Variants in SELENOF observed in about 807,000 individuals in gnomAD.
The protein encoded by SELENOF is selenoprotein F, also known as 15 kDa selenoprotein.
SELENOF carries 16 observed loss-of-function variants against 20.5 expected under a neutral mutation model. That is an observed-to-expected ratio of 0.78 (90% CI 0.53 to 1.19). The LOEUF (loss-of-function observed/expected upper bound fraction) is 1.19. Among genes scored for constraint, SELENOF ranks in the 50% most tolerant of loss-of-function variants. SELENOF has a pLI of 0.00. For missense variants in SELENOF, 215 were observed against 194.2 expected, an observed-to-expected ratio of 1.11 and a Z score of -0.64; for synonymous variants, 78 against 74.5, an observed-to-expected ratio of 1.05 and a Z score of -0.24.
chr1:86,913,216 TAG>T (rs1048485249), intron 1 of SELENOF, among the ~76,000 whole-genome samples: 4 of 152,096 alleles, frequency 2.6e-5, no homozygotes, highest in African/African-American at 9.7e-5. Context: ...GTCTCCTTAT[TAG>T]AGACTACCCG....
At chr1:86,908,122 C>T (rs957742532) in intron 1 of SELENOF, among the ~76,000 whole-genome samples, 2 of 152,112 alleles carry the variant, frequency 1.3e-5, no homozygotes, top group Admixed American at 1.3e-4. Flanking sequence ...GTTAACTGTA[C>T]TATACCATTA....
chr1:86,913,397 G>A (rs1278498628), intron 1 of SELENOF, among the ~76,000 whole-genome samples: 1 of 129,594 alleles, frequency 7.7e-6, no homozygotes, highest in African/African-American at 3.9e-5. Flanking sequence ...AATAAAAAAC[G>A]CTGCCTTAAA....
chr1:86,880,053 C>T (rs1659024476), intron 3 of SELENOF, among the ~76,000 whole-genome samples: 1 of 146,178 alleles, frequency 6.8e-6, no homozygotes, highest in Non-Finnish European at 1.5e-5. Flanking sequence ...CTTGGAAAGG[C>T]TCCTGCAAAA....
Position 86,867,428 on chromosome 1 carries a change from G to A in SELENOF, c.366+625C>T, listed in dbSNP as rs562220690. Among the ~76,000 whole-genome samples the A allele has an allele frequency of 7.9e-5, 12 of 152,028 alleles. No individual in the cohort carries two copies. In the South Asian group the frequency reaches 2.5e-3, roughly 32 times the overall value. Reference sequence around the variant, plus strand: ...AATTGCTTGAACCCAGGAGGCAGAGGTTGCAGTGAACCAAGATGGTGCCAC... The same window carrying A: ...AATTGCTTGAACCCAGGAGGCAGAGATTGCAGTGAACCAAGATGGTGCCAC... On this transcript the variant is annotated intron_variant, in intron 4 of 4. Coordinates refer to ENST00000331835, the MANE Select transcript of SELENOF (RefSeq NM_004261.5).
chr1:86,899,697 A>C (rs1169534754), intron 2 of SELENOF, among the ~76,000 whole-genome samples: 1 of 141,580 alleles, frequency 7.1e-6, no homozygotes, highest in African/African-American at 2.7e-5. Flanking sequence ...GCTGACCCCC[A>C]CCTCCCTCCC....
At chr1:86,901,871 A>G (rs1659712791) in intron 2 of SELENOF, among the ~76,000 whole-genome samples, 1 of 152,188 alleles carries the variant, frequency 6.6e-6, no homozygotes, top group Non-Finnish European at 1.5e-5. Context: ...CAAATAGCAG[A>G]CCTCTCAATT....
intron 4 of SELENOF, among the ~76,000 whole-genome samples, chr1:86,865,262 C>CA (rs1258155392): frequency 1.3e-5 from 2 of 151,650 alleles, no homozygotes; most frequent in East Asian, 1.9e-4. Context: ...TAAAAGTAGG[C>CA]AAAAAAACAA....
At chr1:86,903,587 T>A in intron 1 of SELENOF, 139 bp from the exon 2 acceptor site, 1 of 632,542 alleles carries the variant, frequency 1.6e-6, no homozygotes, top group Non-Finnish European at 2.5e-6. Context: ...TAAATTCTTT[T>A]AAATTTTAAT....
At chr1:86,885,928 C>T (rs963040792) in intron 2 of SELENOF, among the ~76,000 whole-genome samples, 1 of 152,148 alleles carries the variant, frequency 6.6e-6, no homozygotes, top group Admixed American at 6.5e-5. Context: ...CAATATATAA[C>T]ATCTTTTATT....
chr1:86,903,106 TCTC>T (rs970818149), intron 2 of SELENOF, among the ~76,000 whole-genome samples, 172 bp downstream of exon 2: 2 of 152,320 alleles, frequency 1.3e-5, no homozygotes, highest in South Asian at 4.1e-4. Context: ...CAACCATACT[TCTC>T]CTTCATATTT....
At chr1:86,869,385 T>C (rs1035490549) in intron 3 of SELENOF, among the ~76,000 whole-genome samples, 7 of 152,240 alleles carry the variant, frequency 4.6e-5, no homozygotes, top group Non-Finnish European at 8.8e-5. Flanking sequence ...CTATATTTAG[T>C]GACAAAGAAA....
intron 4 of SELENOF, among the ~76,000 whole-genome samples, chr1:86,866,363 A>G (rs1384404648): frequency 6.6e-6 from 1 of 151,508 alleles, no homozygotes; most frequent in African/African-American, 2.4e-5. Flanking sequence ...AAGGACAAAT[A>G]CTATATGATT....
chr1:86,902,506 A>T (rs984759539), intron 2 of SELENOF, among the ~76,000 whole-genome samples: 3 of 152,228 alleles, frequency 2.0e-5, no homozygotes, highest in African/African-American at 7.2e-5. Context: ...AACAGAATTC[A>T]GCATGTACAA....
intron 1 of SELENOF, among the ~76,000 whole-genome samples, chr1:86,908,937 T>C (rs1281871906): frequency 6.6e-6 from 1 of 152,226 alleles, no homozygotes; most frequent in Admixed American, 6.5e-5. Context: ...CTCACTGAAA[T>C]ATTGACAAAT....
At chr1:86,913,130 G>T (rs1378395951) in intron 1 of SELENOF, among the ~76,000 whole-genome samples, 1 of 152,146 alleles carries the variant, frequency 6.6e-6, no homozygotes, top group Non-Finnish European at 1.5e-5. Context: ...TTTGAGAAAG[G>T]TAAGTACAGG....
chr1:86,867,352 G>T (rs532391284), intron 4 of SELENOF, among the ~76,000 whole-genome samples: 1 of 152,154 alleles, frequency 6.6e-6, no homozygotes, highest in Non-Finnish European at 1.5e-5. Flanking sequence ...AACTAGCTGG[G>T]CATGGTGGCG....
At chr1:86,878,535 A>T (rs1057507555) in intron 3 of SELENOF, among the ~76,000 whole-genome samples, 3 of 152,192 alleles carry the variant, frequency 2.0e-5, no homozygotes, top group African/African-American at 7.2e-5. Context: ...AAAATAAATT[A>T]GCTGGGTGTG....
chr1:86,903,334 C>G lies in SELENOF; in HGVS notation c.199G>C (p.Asp67His). The G allele has an allele frequency of 1.9e-6, 3 of 1,612,076 alleles. No individual in the cohort carries two copies. Among genetic ancestry groups the G allele is most frequent in the Non-Finnish European group, 2.5e-6 (3 of 1,179,054 alleles). Residue 67 changes from aspartate (D) to histidine (H), a missense_variant, in exon 2 of 5, where the codon GAT becomes CAT. By Grantham distance (81) the Asp-to-His change is moderately conservative. Coordinates refer to ENST00000331835, the MANE Select transcript of SELENOF (RefSeq NM_004261.5). ...TGACAGCATCCTCTGCAATCAGGATCCAGCTGAAGCAGGTTGAACTGTCCG... is the reference window on the plus strand; with the variant it reads ...TGACAGCATCCTCTGCAATCAGGATGCAGCTGAAGCAGGTTGAACTGTCCG... ...LLGQFNLLQL[D>H]PDCRGCCQEE...
intron 1 of SELENOF, among the ~76,000 whole-genome samples, chr1:86,911,955 A>G (rs1659994955): frequency 6.6e-6 from 1 of 151,990 alleles, no homozygotes; most frequent in Admixed American, 6.6e-5. Context: ...TATTTTTACT[A>G]GAGACGGGGT....
Sources: gnomAD v4.1 joint callset for allele counts (sites outside exome capture counted in the v4.1 genomes callset) on GRCh38, gnomAD v4.1.1 for gene constraint, MANE v1.5 for transcripts, NCBI Gene and HGNC (gene_info 2026-07-23, HGNC 2026-07-21) for gene names.